Variants in MPP3 observed in about 807,000 individuals in gnomAD.
MPP3 encodes the protein MAGUK p55 scaffold protein 3.
Under a neutral mutation model 80.7 loss-of-function variants are expected in MPP3, and 48 were observed. The observed-to-expected ratio is 0.59, with a 90% CI of 0.47 to 0.76. The LOEUF (loss-of-function observed/expected upper bound fraction) is 0.76. MPP3 is among the 30% of genes least tolerant of loss of function. MPP3 has a pLI of 0.00. For missense variants in MPP3, 620 were observed against 763.0 expected, an observed-to-expected ratio of 0.81 and a Z score of 2.21; for synonymous variants, 311 against 297.6, an observed-to-expected ratio of 1.04 and a Z score of -0.46.
In MPP3 at chr17:43,830,099, C is replaced by T; in HGVS notation, c.231G>A (p.Glu77=). The change falls in exon 6 of 20, where the codon GAG becomes GAA. Residue 77 remains glutamate, a synonymous_variant. Transcript: ENST00000398389. ...TGTGCACGGAGGCGGCCTGCAACTC[C>T]TCCATCACCTGCAGAGAATGAGACA... ...SAVALAEDVM[E]ELQAASVHSD... The T allele has an allele frequency of 6.5e-7, 1 of 1,541,502 alleles. No homozygotes were observed. Among genetic ancestry groups the T allele is most frequent in the Non-Finnish European group, 8.7e-7 (1 of 1,145,124 alleles).
At position 43,820,266 on chromosome 17, in the gene MPP3, A is replaced by G. The variant is rs189985286; in HGVS notation, c.881+596T>C. ...CCCAGCCTCTCTTCTGTATTTTTAT[A>G]TTTTGTTTATCAGCATTCTCTGAGC... On this transcript the variant is annotated intron_variant, in intron 11 of 19. Transcript: ENST00000398389. Among the ~76,000 whole-genome samples the G allele has an allele frequency of 2.8e-4, 43 of 152,064 alleles. No homozygotes were observed. The East Asian group carries it at 6.8e-3, about 24-fold the overall frequency.
At position 43,809,045 on chromosome 17, in the gene MPP3, GT is replaced by G; in HGVS notation, c.1491del (p.Lys497AsnfsTer7). The G allele has an allele frequency of 6.2e-7, 1 of 1,602,598 alleles. No individual in the cohort carries two copies. On this transcript the variant is annotated frameshift_variant, in exon 19 of 20. Coordinates refer to ENST00000398389, the MANE Select transcript of MPP3 (RefSeq NM_001932.6). LOFTEE classifies it high-confidence loss of function. ...GCAGGCTTTACAAATATAATATAGG[GT>G]TTAAATTCTGAGGTCCTCAGTTGTT... The part of the protein sequence containing the change: ...ALKQLRTSEF[K>X]PYIIFVKPAI...
At chr17:43,818,235 T>A in intron 11 of MPP3, 125 bp from the exon 12 acceptor site, 1 of 713,000 alleles carries the variant, frequency 1.4e-6, no homozygotes, top group Non-Finnish European at 2.1e-6. Context: ...CTGGACACTC[T>A]GAGGGCCTCC....
At position 43,831,616 on chromosome 17, in the gene MPP3, C is replaced by T; in HGVS notation, c.87G>A (p.Glu29=). The change falls in exon 4 of 20, where the codon GAG becomes GAA. Residue 29 remains glutamate, a synonymous_variant. Transcript: ENST00000398389. ...AAACATCCCTCAGGAAGCCCATCTC[C>T]TCCTTGTGGTTGGAGTCAGGTCTGA... ...SQLRPDSNHK[E]EMGFLRDVFS... 1 of 1,614,020 alleles carries T rather than the reference C, an allele frequency of 6.2e-7. No individual in the cohort carries two copies. The highest frequency in any genetic ancestry group is 8.5e-7 in the Non-Finnish European group (1 of 1,179,950).
At position 43,826,515 on chromosome 17, in the gene MPP3, G is replaced by A. The variant is rs148815022; in HGVS notation, c.524-674C>T. On this transcript the variant is annotated intron_variant, in intron 8 of 19. Coordinates refer to ENST00000398389, the MANE Select transcript of MPP3 (RefSeq NM_001932.6). ...GCAAAGTGCTGGTCTAGGATTCTCT[G>A]CAACGATGACCCCCCAGACTTTGGG... Among the ~76,000 whole-genome samples, 544 of 152,302 alleles carry A rather than the reference G, an allele frequency of 3.6e-3. 6 individuals carry two copies. The highest frequency in any genetic ancestry group is 0.013 in the African/African-American group (521 of 41,570).
At position 43,801,578 on chromosome 17, in the gene MPP3, G is replaced by A. The variant is rs73985111; in HGVS notation, c.*123C>T. On this transcript the variant is annotated 3_prime_UTR_variant, in exon 20 of 20. Transcript: ENST00000398389. ...AAGACTTCCCACTTATACTCTTCTC[G>A]ATGATGGAATTTGTGGAGAATTCTC... 3.9e-4 allele frequency: 372 copies of A among 959,232 alleles called. 1 individual carries two copies. In the African/African-American group the frequency reaches 5.6e-3, roughly 15 times the overall value. The allele number at this position is 959,232 out of a possible 1,614,324, so 59.4% of individuals were successfully genotyped here. A position where few individuals can be genotyped will look rare whatever the true frequency, so the allele number is the denominator to read the frequency against.
chr17:43,812,759 G>A (rs1257765194), intron 16 of MPP3, among the ~76,000 whole-genome samples: 1 of 152,158 alleles, frequency 6.6e-6, no homozygotes, highest in Non-Finnish European at 1.5e-5. Flanking sequence ...GGATCCAAGG[G>A]GTTCTGAACG....
At chr17:43,810,514 C>A (rs1016896097) in intron 18 of MPP3, among the ~76,000 whole-genome samples, 1 of 152,114 alleles carries the variant, frequency 6.6e-6, no homozygotes, top group East Asian at 1.9e-4. Flanking sequence ...AATGGCCAGT[C>A]AGCGCCACCA....
intron 13 of MPP3, 149 bp from the exon 14 acceptor site, chr17:43,816,228 C>A: frequency 1.5e-6 from 1 of 678,878 alleles, no homozygotes; most frequent in South Asian, 2.2e-5. Flanking sequence ...CCTGGACACC[C>A]CAAGAAAGCA....
At chr17:43,818,798 C>A (rs748571886) in intron 11 of MPP3, among the ~76,000 whole-genome samples, 28 of 152,012 alleles carry the variant, frequency 1.8e-4, no homozygotes, top group Non-Finnish European at 3.7e-4. Context: ...TGGTGGTGCA[C>A]GTCTGTAATC....
chr17:43,832,036 G>A (rs2045991488), intron 2 of MPP3, 93 bp from the exon 3 acceptor site: 3 of 808,604 alleles, frequency 3.7e-6, no homozygotes, highest in Non-Finnish European at 6.3e-6. Context: ...TCTGAGACCA[G>A]GCTGTGGACA....
chr17:43,821,361 A>G (rs2045452090), intron 10 of MPP3, among the ~76,000 whole-genome samples: 1 of 152,226 alleles, frequency 6.6e-6, no homozygotes, highest in Non-Finnish European at 1.5e-5. Context: ...ACAGCCTCTT[A>G]GCATACACAC....
chr17:43,815,786 G>A (rs1209089158), intron 14 of MPP3: 1 of 678,614 alleles, frequency 1.5e-6, no homozygotes, highest in East Asian at 2.8e-5. Flanking sequence ...TGGTATTAAT[G>A]TAGGGGTGTG....
At chr17:43,825,965 T>C in intron 8 of MPP3, 124 bp from the exon 9 acceptor site, 3 of 660,644 alleles carry the variant, frequency 4.5e-6, no homozygotes, top group Admixed American at 2.2e-5. Context: ...AGGTTTAAAG[T>C]TGATGGGTGG....
At chr17:43,803,534 G>T (rs571170131) in intron 19 of MPP3, among the ~76,000 whole-genome samples, 3 of 152,258 alleles carry the variant, frequency 2.0e-5, no homozygotes, top group Admixed American at 2.0e-4. Flanking sequence ...GCTTTGCCGG[G>T]TCAGAAGCCA....
In MPP3 at chr17:43,827,809, C is replaced by T. The variant is rs756158306; in HGVS notation, c.465G>A (p.Glu155=). The T allele has an allele frequency of 1.2e-6, 2 of 1,613,190 alleles. No homozygotes were observed. The highest frequency in any genetic ancestry group is 1.7e-6 in the Non-Finnish European group (2 of 1,180,024). The change falls in exon 8 of 20, where the codon GAG becomes GAA. Residue 155 remains glutamate (E), a synonymous_variant. Coordinates refer to ENST00000398389, the MANE Select transcript of MPP3 (RefSeq NM_001932.6). The part of the protein sequence containing the change: ...EPLGATIRRD[E]HSGAVVVARI... ...TGGCCACCACAACAGCCCCTGAGTG[C>T]TCGTCCCGCCGGATGGTGGCACCCT...
chr17:43,824,737 C>A (rs572658381), intron 9 of MPP3, among the ~76,000 whole-genome samples: 1 of 152,206 alleles, frequency 6.6e-6, no homozygotes, highest in Non-Finnish European at 1.5e-5. Flanking sequence ...GGCCTGCCTG[C>A]AATCCGCATC....
chr17:43,816,540 G>T, intron 13 of MPP3, 137 bp downstream of exon 13: 1 of 838,098 alleles, frequency 1.2e-6, no homozygotes, highest in Non-Finnish European at 2.0e-6. Context: ...AGTCCAGCTG[G>T]CAGAGCAGGA....
At chr17:43,811,419 G>A (rs1053108731) in intron 16 of MPP3, 1 of 556,612 alleles carries the variant, frequency 1.8e-6, no homozygotes, top group Non-Finnish European at 3.2e-6. Flanking sequence ...GCAAAAGGAG[G>A]CTTTTCCTTT....
Sources: gnomAD v4.1 joint callset for allele counts (sites outside exome capture counted in the v4.1 genomes callset) on GRCh38, gnomAD v4.1.1 for gene constraint, MANE v1.5 for transcripts, NCBI Gene and HGNC (gene_info 2026-07-23, HGNC 2026-07-21) for gene names.